FYB2: variants seen among roughly 807,000 people sequenced by gnomAD.
FYB2 encodes FYN-binding protein 2.
FYB2 carries 103 observed loss-of-function variants against 94.1 expected under a neutral mutation model. The ratio of observed to expected loss-of-function variants is 1.09; its 90% CI spans 0.93 to 1.29. The LOEUF is 1.29. Ranked by LOEUF, FYB2 falls within the 50% of genes most tolerant of loss-of-function variation. The probability of loss-of-function intolerance (pLI) is 0.00; values close to 1 mark genes in which losing one functional copy is unlikely to be tolerated. For synonymous variants in FYB2, 293 were observed against 287.9 expected (o/e 1.02, Z -0.18); for missense variants, 896 against 841.5 (o/e 1.06, Z -0.80).
chr1:56,814,011 C>G (rs1178226896), intron 1 of FYB2, among the ~76,000 whole-genome samples: 1 of 152,132 alleles, frequency 6.6e-6, no homozygotes. Context: ...CAGTCTAGAC[C>G]TGGGTCTGAT....
chr1:56,770,083 T>C (rs534021279), intron 4 of FYB2, among the ~76,000 whole-genome samples: 7 of 152,068 alleles, frequency 4.6e-5, no homozygotes, highest in Non-Finnish European at 1.0e-4. Flanking sequence ...AAATTAGAGA[T>C]AAGAAAGGAA....
intron 4 of FYB2, among the ~76,000 whole-genome samples, chr1:56,779,508 T>G (rs533593240): frequency 6.6e-6 from 1 of 152,202 alleles, no homozygotes; most frequent in Non-Finnish European, 1.5e-5. Flanking sequence ...AGTGCTCAGA[T>G]TGTCCTAATT....
At chr1:56,795,808 G>C (rs951319122) in intron 1 of FYB2, among the ~76,000 whole-genome samples, 12 of 152,150 alleles carry the variant, frequency 7.9e-5, no homozygotes, top group African/African-American at 2.7e-4. Flanking sequence ...ATTAAGCAAA[G>C]CCCTAGTATG....
rs1644440069 is a variant in FYB2 at position 56,719,162 on chromosome 1, A to G, written c.*509T>C. 1 of 152,456 alleles carries G rather than the reference A, an allele frequency of 6.6e-6. No individual in the cohort carries two copies. Among genetic ancestry groups the G allele is most frequent in the South Asian group, 2.1e-4 (1 of 4,838 alleles). The allele number at this position is 152,456 out of a possible 1,614,324, so 9.4% of individuals were successfully genotyped here. The stretch of plus-strand genomic sequence containing the variant: ...TTTGTGATAAAGTAAAAGGACATTT[A>G]TACTTTTTTAAAGACTGAGCCATAA... On this transcript the variant is annotated 3_prime_UTR_variant, in exon 20 of 20. Coordinates refer to ENST00000343433, the MANE Select transcript of FYB2 (RefSeq NM_001004303.5).
intron 5 of FYB2, among the ~76,000 whole-genome samples, chr1:56,760,056 G>A (rs1416465739): frequency 7.6e-6 from 1 of 131,422 alleles, no homozygotes; most frequent in Non-Finnish European, 1.5e-5. Context: ...TCCAGCCTGG[G>A]CAACACAGTG....
intron 15 of FYB2, among the ~76,000 whole-genome samples, chr1:56,730,663 A>G (rs543701639): frequency 2.6e-5 from 4 of 152,212 alleles, no homozygotes; most frequent in Admixed American, 6.5e-5. Context: ...CCAAAAAAGA[A>G]AAGTCTAGGA....
At position 56,720,079 on chromosome 1, in the gene FYB2, TA is replaced by T. The variant is rs769653271; in HGVS notation, c.2132-25del. The T allele has an allele frequency of 7.5e-6, 12 of 1,597,196 alleles. No individual in the cohort carries two copies. In the African/African-American group the frequency reaches 1.6e-4, roughly 22 times the overall value. ...ATCTAATAGAAACAAAAGTCACCGT[TA>T]ATTTGAAAGTTATAGAGAAAATGTT... On this transcript the variant is annotated intron_variant, in intron 18 of 19. Coordinates refer to ENST00000343433, the MANE Select transcript of FYB2 (RefSeq NM_001004303.5).
chr1:56,725,479 T>G (rs1398382911), intron 16 of FYB2, among the ~76,000 whole-genome samples: 1 of 152,048 alleles, frequency 6.6e-6, no homozygotes, highest in Admixed American at 6.6e-5. Context: ...ACTGGAAAAT[T>G]GTTTCCTAAG....
intron 4 of FYB2, among the ~76,000 whole-genome samples, chr1:56,770,559 C>T (rs1645729399): frequency 6.6e-6 from 1 of 152,114 alleles, no homozygotes; most frequent in Admixed American, 6.5e-5. Flanking sequence ...TTAAAAATAA[C>T]TCAAGAATAA....
chr1:56,755,281 T>A (rs1570009951), intron 7 of FYB2, among the ~76,000 whole-genome samples: 2 of 152,132 alleles, frequency 1.3e-5, no homozygotes, highest in African/African-American at 2.4e-5. Context: ...TGAATTCTCA[T>A]GTTAGCAAAC....
chr1:56,807,130 C>G (rs1361076756), intron 1 of FYB2, among the ~76,000 whole-genome samples: 1 of 152,156 alleles, frequency 6.6e-6, no homozygotes. Context: ...AAAGGGTTTC[C>G]TGCTCTCCCT....
intron 4 of FYB2, among the ~76,000 whole-genome samples, chr1:56,786,054 T>C (rs1020757031): frequency 2.6e-5 from 4 of 152,188 alleles, no homozygotes; most frequent in African/African-American, 9.7e-5. Flanking sequence ...GCTAGCTTGC[T>C]GGATGAGGAG....
upstream of FYB2, among the ~76,000 whole-genome samples, chr1:56,820,167 G>T (rs1445765191): frequency 6.6e-6 from 1 of 150,624 alleles, no homozygotes; most frequent in African/African-American, 2.5e-5. Flanking sequence ...GGAGGCAGAC[G>T]TTGCAGTGAG....
In FYB2 at chr1:56,792,475, A is replaced by G. The variant is rs527886732; in HGVS notation, c.338T>C (p.Leu113Pro). Residue 113 changes from leucine to proline, a missense_variant, in exon 2 of 20, where the codon CTG (leucine) becomes CCG (proline). Transcript: ENST00000343433. ...CSATSSQKAS[L>P]LLEVTQSNVE... ...ATTTGATTGAGTCACCTCTAACAGC[A>G]GAGAAGCCTTCTGTGAACTTGTTGC... 1 of 1,614,186 alleles carries G rather than the reference A, an allele frequency of 6.2e-7. No individual in the cohort carries two copies. The highest frequency in any genetic ancestry group is 1.1e-5 in the South Asian group (1 of 91,078).
chr1:56,822,140 G>A (rs1485652177), upstream of FYB2, among the ~76,000 whole-genome samples: 4 of 152,102 alleles, frequency 2.6e-5, no homozygotes. Flanking sequence ...CAGACCTTGC[G>A]AGCATCATTT....
intron 4 of FYB2, among the ~76,000 whole-genome samples, chr1:56,781,738 A>G (rs555917604): frequency 3.0e-4 from 45 of 152,286 alleles, no homozygotes; most frequent in Non-Finnish European, 5.4e-4. Flanking sequence ...TGTCTTCCCA[A>G]TGCATTTAGA....
At chr1:56,783,974 C>A (rs1462977194) in intron 4 of FYB2, among the ~76,000 whole-genome samples, 1 of 152,100 alleles carries the variant, frequency 6.6e-6, no homozygotes, top group Non-Finnish European at 1.5e-5. Flanking sequence ...CTAGGCCCTG[C>A]CCTAAACACT....
At chr1:56,785,082 G>A (rs1646102669) in intron 4 of FYB2, among the ~76,000 whole-genome samples, 1 of 152,172 alleles carries the variant, frequency 6.6e-6, no homozygotes, top group Non-Finnish European at 1.5e-5. Flanking sequence ...CAGCATGAAA[G>A]GACAGAACAG....
chr1:56,720,428 C>A, intron 17 of FYB2, 99 bp from the exon 18 acceptor site: 4 of 1,099,178 alleles, frequency 3.6e-6, no homozygotes, highest in South Asian at 4.1e-5. Context: ...AAAATTAACT[C>A]AAGATACTAT....
Sources: allele counts gnomAD v4.1 joint callset (sites outside exome capture counted in the v4.1 genomes callset), GRCh38; gene constraint gnomAD v4.1.1; transcripts MANE v1.5; gene names NCBI Gene and HGNC (gene_info 2026-07-23, HGNC 2026-07-21).